Variants in HHAT observed in about 807,000 individuals in gnomAD.
The protein encoded by HHAT is hedgehog acyltransferase.
In HHAT, 47 loss-of-function variants were observed where a neutral mutation model predicts 70.8. That is an observed-to-expected ratio of 0.66 (90% CI 0.53 to 0.85). The LOEUF is 0.85. Ranked by LOEUF, HHAT falls within the 40% of genes least tolerant of loss-of-function variation. HHAT has a pLI of 0.00. For synonymous variants in HHAT, 228 were observed against 247.6 expected (o/e 0.92, Z 0.74); for missense variants, 609 against 604.8 (o/e 1.01, Z -0.07).
chr1:210,544,779 A>G (rs1478446954), intron 9 of HHAT, among the ~76,000 whole-genome samples: 3 of 152,136 alleles, frequency 2.0e-5, no homozygotes, highest in Non-Finnish European at 4.4e-5. Flanking sequence ...CAAAACATGC[A>G]TGATCTTTCC....
At chr1:210,404,250 C>G (rs1439160060) in intron 5 of HHAT, among the ~76,000 whole-genome samples, 2 of 152,150 alleles carry the variant, frequency 1.3e-5, no homozygotes, top group African/African-American at 4.8e-5. Flanking sequence ...TGCTCATTAA[C>G]TGCTTGCTTT....
chr1:210,524,946 G>C (rs12122746), intron 9 of HHAT, among the ~76,000 whole-genome samples: 41,513 of 151,832 alleles, frequency 0.27, 6,361 homozygotes, highest in Middle Eastern at 0.34. Context: ...AGTTAAGTGA[G>C]GGTGGGTTGT....
rs1472535776 is a variant in HHAT, at chr1:210,588,008, T to C, written c.1154T>C (p.Leu385Pro). Residue 385 changes from leucine to proline, a missense_variant, in exon 10 of 12, where the codon CTC becomes CCC. By Grantham distance (98) the Leu-to-Pro change is moderately conservative. Transcript: ENST00000261458. ...VSYWHGGYDY[L>P]WCWAALNWLG... The stretch of plus-strand genomic sequence containing the variant: ...TACTGGCATGGCGGCTACGACTACC[T>C]CTGGTGCTGGGCAGCGCTCAACTGG... 6.2e-7 allele frequency: 1 copy of C among 1,613,944 alleles called. No individual in the cohort carries two copies. Among genetic ancestry groups the C allele is most frequent in the Non-Finnish European group, 8.5e-7 (1 of 1,180,008 alleles).
At chr1:210,639,693 A>G (rs760953305) in intron 11 of HHAT, among the ~76,000 whole-genome samples, 1 of 152,184 alleles carries the variant, frequency 6.6e-6, no homozygotes, top group Non-Finnish European at 1.5e-5. Context: ...TGCATTCCCC[A>G]TTATTAACAC....
chr1:210,397,324 C>T (rs962569763), intron 4 of HHAT, among the ~76,000 whole-genome samples: 7 of 152,210 alleles, frequency 4.6e-5, no homozygotes, highest in African/African-American at 1.2e-4. Flanking sequence ...TCTTTGTCTT[C>T]TTTCAAGTAA....
At chr1:210,473,361 C>T (rs1376101805) in intron 8 of HHAT, among the ~76,000 whole-genome samples, 1 of 152,116 alleles carries the variant, frequency 6.6e-6, no homozygotes, top group Admixed American at 6.5e-5. Flanking sequence ...GCATGTTCAA[C>T]CCCTTCTTCC....
At chr1:210,469,630 T>C (rs1416402638) in intron 8 of HHAT, among the ~76,000 whole-genome samples, 1 of 152,200 alleles carries the variant, frequency 6.6e-6, no homozygotes, top group Non-Finnish European at 1.5e-5. Flanking sequence ...TAATGATTAA[T>C]AATCATTACA....
chr1:210,391,974 A>G (rs2148161921), intron 4 of HHAT, among the ~76,000 whole-genome samples: 1 of 152,088 alleles, frequency 6.6e-6, no homozygotes, highest in East Asian at 1.9e-4. Context: ...GGTTCAAGCA[A>G]TCCTCCTGCC....
intron 3 of HHAT, among the ~76,000 whole-genome samples, chr1:210,385,723 G>A (rs554473322): frequency 3.9e-5 from 6 of 152,198 alleles, no homozygotes; most frequent in Non-Finnish European, 5.9e-5. Flanking sequence ...ACAAAGTAAA[G>A]CATGATACGG....
intron 10 of HHAT, among the ~76,000 whole-genome samples, chr1:210,621,351 C>CA (rs1222469987): frequency 1.3e-5 from 2 of 152,110 alleles, no homozygotes; most frequent in East Asian, 3.9e-4. Context: ...GGTGGAGTGT[C>CA]AGACTCAGTG....
chr1:210,347,532 G>A (rs747445535), intron 1 of HHAT, among the ~76,000 whole-genome samples: 19 of 152,144 alleles, frequency 1.2e-4, no homozygotes, highest in South Asian at 8.3e-4. Context: ...CCATAAATGC[G>A]TTTAAATTTA....
intron 8 of HHAT, among the ~76,000 whole-genome samples, chr1:210,467,323 T>G (rs377604681): frequency 3.3e-5 from 5 of 152,214 alleles, no homozygotes; most frequent in African/African-American, 4.8e-5. Context: ...AGTGTCTCTT[T>G]TGTGTGATTT....
At chr1:210,448,806 G>C (rs2093688162) in intron 7 of HHAT, among the ~76,000 whole-genome samples, 1 of 151,930 alleles carries the variant, frequency 6.6e-6, no homozygotes. Context: ...GTGGATTTCA[G>C]CAGTGAGGGT....
intron 7 of HHAT, among the ~76,000 whole-genome samples, chr1:210,438,053 A>G (rs1440150662): frequency 6.6e-6 from 1 of 151,808 alleles, no homozygotes; most frequent in Non-Finnish European, 1.5e-5. Flanking sequence ...TCCTCTACCA[A>G]GTCCTCTTGG....
chr1:210,571,893 A>G (rs1269578312), intron 9 of HHAT, among the ~76,000 whole-genome samples: 1 of 152,250 alleles, frequency 6.6e-6, no homozygotes, highest in African/African-American at 2.4e-5. Context: ...CTCTATCTGT[A>G]AAATGCCAGC....
At chr1:210,414,186 C>T (rs868544468) in intron 6 of HHAT, among the ~76,000 whole-genome samples, 8 of 152,276 alleles carry the variant, frequency 5.3e-5, no homozygotes, top group South Asian at 2.1e-4. Context: ...TGTCTTCACA[C>T]GGTAGAAGGA....
chr1:210,375,199 T>C (rs2090087134), intron 3 of HHAT, among the ~76,000 whole-genome samples: 1 of 152,236 alleles, frequency 6.6e-6, no homozygotes. Context: ...AGCTACTCTG[T>C]GCTGCCTCTT....
rs370296636 is a variant in HHAT at position 210,450,085 on chromosome 1, A to G, written c.857-14420A>G. Reference sequence around the variant, plus strand: ...GAGGTGGTTGGATCACAAGGTCAGGAGTTCAAAGCCAGCCTGGCCAACATG... The same window carrying G: ...GAGGTGGTTGGATCACAAGGTCAGGGGTTCAAAGCCAGCCTGGCCAACATG... On this transcript the variant is annotated intron_variant, in intron 7 of 11. Transcript: ENST00000261458. Among the ~76,000 whole-genome samples, 15 of 152,270 alleles carry G rather than the reference A, an allele frequency of 9.9e-5. No individual in the cohort carries two copies. The South Asian group carries it at 1.2e-3, about 13-fold the overall frequency.
intron 7 of HHAT, among the ~76,000 whole-genome samples, chr1:210,424,163 A>C (rs2092988508): frequency 6.6e-6 from 1 of 152,178 alleles, no homozygotes; most frequent in Non-Finnish European, 1.5e-5. Context: ...CTTTCAATCC[A>C]TGAGCATGGG....
Sources: allele counts gnomAD v4.1 joint callset (sites outside exome capture counted in the v4.1 genomes callset), GRCh38; gene constraint gnomAD v4.1.1; transcripts MANE v1.5; gene names NCBI Gene and HGNC (gene_info 2026-07-23, HGNC 2026-07-21).